The following GALK2 variants were observed in gnomAD, a reference collection of about 807,000 sequenced individuals.
GALK2 encodes galactokinase 2, also known as N-acetylgalactosamine kinase.
In GALK2, 36 loss-of-function variants were observed where a neutral mutation model predicts 52.4. That is an observed-to-expected ratio of 0.69 (90% CI 0.53 to 0.91). The LOEUF (loss-of-function observed/expected upper bound fraction) is 0.91, where lower values mean the gene tolerates loss of function less well. Among genes scored for constraint, GALK2 ranks in the 40% least tolerant of loss-of-function variants. The pLI, the probability that GALK2 is intolerant of heterozygous loss-of-function variation, is 0.00. For missense variants in GALK2, 579 were observed against 559.1 expected (o/e 1.04, Z -0.36); for synonymous variants, 176 against 199.1 (o/e 0.88, Z 0.98).
intron 8 of GALK2, among the ~76,000 whole-genome samples, chr15:49,295,907 T>G (rs571237584): frequency 1.1e-4 from 17 of 152,300 alleles, no homozygotes; most frequent in African/African-American, 4.1e-4. Flanking sequence ...CTGTCTTCCT[T>G]TCTTTTAGAT....
At chr15:49,157,886 T>G (rs2084513188) in intron 1 of GALK2, among the ~76,000 whole-genome samples, 1 of 152,172 alleles carries the variant, frequency 6.6e-6, no homozygotes, top group Admixed American at 6.5e-5. Context: ...CTATGTCCTC[T>G]TTGAGATTGA....
chr15:49,168,718 T>TAA (rs35361227), upstream of GALK2, among the ~76,000 whole-genome samples: 18 of 136,658 alleles, frequency 1.3e-4, no homozygotes, highest in African/African-American at 2.9e-4. Flanking sequence ...AAACTCCATC[T>TAA]AAAAAAAAAA....
At chr15:49,308,083 C>T (rs896071436) in intron 8 of GALK2, among the ~76,000 whole-genome samples, 1 of 152,150 alleles carries the variant, frequency 6.6e-6, no homozygotes, top group Non-Finnish European at 1.5e-5. Flanking sequence ...CACATTCCAG[C>T]TTCAATGAGG....
At chr15:49,212,709 C>T (rs747180791) in intron 2 of GALK2, among the ~76,000 whole-genome samples, 1 of 151,894 alleles carries the variant, frequency 6.6e-6, no homozygotes, top group Non-Finnish European at 1.5e-5. Flanking sequence ...CTTTTCACTC[C>T]CAATTGTTTC....
At chr15:49,299,467 G>A (rs1045163371) in intron 8 of GALK2, among the ~76,000 whole-genome samples, 3 of 151,996 alleles carry the variant, frequency 2.0e-5, no homozygotes, top group East Asian at 1.9e-4. Flanking sequence ...AGTTCCTTTA[G>A]GTGTGATGTT....
In GALK2 at chr15:49,282,815, C is replaced by T. The variant is rs553159825; in HGVS notation, c.603+730C>T. Among the ~76,000 whole-genome samples, 5 of 152,234 alleles carry T rather than the reference C, an allele frequency of 3.3e-5. 1 individual carries two copies. The East Asian group carries it at 7.7e-4, about 23-fold the overall frequency. The stretch of plus-strand genomic sequence containing the variant: ...TTAGTAAGAATATTTGTTATTGATT[C>T]CCCTAAGCCAAAGACATGAGGCATG... On this transcript the variant is annotated intron_variant, in intron 6 of 9. Coordinates refer to ENST00000560031, the MANE Select transcript of GALK2 (RefSeq NM_002044.4).
At chr15:49,262,588 A>G (rs1370602438) in intron 5 of GALK2, among the ~76,000 whole-genome samples, 1 of 151,830 alleles carries the variant, frequency 6.6e-6, no homozygotes, top group Admixed American at 6.6e-5. Context: ...CTCTGATTTT[A>G]GTTATTTCTT....
chr15:49,192,246 A>C (rs2086777459), intron 1 of GALK2, among the ~76,000 whole-genome samples: 2 of 152,016 alleles, frequency 1.3e-5, no homozygotes, highest in African/African-American at 2.4e-5. Flanking sequence ...CTAATATGAT[A>C]GTAATTATCC....
intron 5 of GALK2, among the ~76,000 whole-genome samples, chr15:49,267,687 C>G (rs1340291213): frequency 2.6e-5 from 4 of 152,166 alleles, no homozygotes; most frequent in East Asian, 1.9e-4. Flanking sequence ...TTTATTTCCT[C>G]CTTTTCATGT....
chr15:49,343,307 A>G (rs1430688344), intron 3 of GALK2, among the ~76,000 whole-genome samples: 1 of 152,042 alleles, frequency 6.6e-6, no homozygotes, highest in Admixed American at 6.6e-5. Flanking sequence ...TCTGCTTGGA[A>G]CAGTCTATTG....
rs1387020450 is a variant in GALK2 at position 49,328,001 on chromosome 15, T to A, written c.1219T>A (p.Cys407Ser). The stretch of plus-strand genomic sequence containing the variant: ...ACTTACTGGAGCAGGATGGGGAGGC[T>A]GCACAGTATCAATGGTACCTGCGGA... Reference protein sequence around the residue: ...SRLTGAGWGGCTVSMVPADKL... With the variant: ...SRLTGAGWGGSTVSMVPADKL... Residue 407 changes from cysteine (C) to serine (S), a missense_variant, in exon 10 of 10, where the codon TGC (cysteine) becomes AGC (serine). By Grantham distance (112) the Cys-to-Ser change is moderately radical. Transcript: ENST00000560031. The A allele has an allele frequency of 6.2e-7, 1 of 1,613,942 alleles. No homozygotes were observed. The highest frequency in any genetic ancestry group is 8.5e-7 in the Non-Finnish European group (1 of 1,179,834).
chr15:49,219,797 C>T (rs982196729), intron 3 of GALK2, among the ~76,000 whole-genome samples: 13 of 151,970 alleles, frequency 8.6e-5, no homozygotes, highest in South Asian at 2.1e-4. Flanking sequence ...GGTGACAGAG[C>T]GAGACTCTGT....
At chr15:49,210,643 G>A (rs142762770) in intron 2 of GALK2, among the ~76,000 whole-genome samples, 2,899 of 151,920 alleles carry the variant, frequency 0.019, 47 homozygotes, top group Middle Eastern at 0.031. Flanking sequence ...GTTTCACCAC[G>A]AAGGCCAGGC....
At chr15:49,250,405 A>T (rs901240808) in intron 5 of GALK2, among the ~76,000 whole-genome samples, 11 of 152,164 alleles carry the variant, frequency 7.2e-5, no homozygotes, top group Non-Finnish European at 1.3e-4. Flanking sequence ...ATGTCTTTTT[A>T]AAAAAATTAC....
chr15:49,207,441 G>C (rs964027769), intron 2 of GALK2, among the ~76,000 whole-genome samples: 37 of 152,112 alleles, frequency 2.4e-4, no homozygotes, highest in African/African-American at 8.7e-4. Flanking sequence ...ATTCTTCTTT[G>C]AATGTCTGAT....
intron 3 of GALK2, among the ~76,000 whole-genome samples, chr15:49,229,178 A>G (rs959742995): frequency 6.6e-6 from 1 of 152,140 alleles, no homozygotes; most frequent in Middle Eastern, 3.2e-3. Flanking sequence ...GCATGTTGGC[A>G]TTGATTCTTG....
At chr15:49,186,872 G>C (rs558202884) in intron 1 of GALK2, among the ~76,000 whole-genome samples, 1 of 152,248 alleles carries the variant, frequency 6.6e-6, no homozygotes, top group African/African-American at 2.4e-5. Context: ...CCTCAAAACA[G>C]TTATTTTGAA....
intron 3 of GALK2, among the ~76,000 whole-genome samples, chr15:49,227,299 G>T (rs1452863677): frequency 1.3e-5 from 2 of 152,052 alleles, no homozygotes; most frequent in African/African-American, 4.8e-5. Flanking sequence ...TTATATATCT[G>T]GGTGCTTTGT....
intron 1 of GALK2, among the ~76,000 whole-genome samples, chr15:49,187,521 C>T (rs899244827): frequency 5.9e-5 from 9 of 152,132 alleles, no homozygotes; most frequent in South Asian, 2.1e-4. Flanking sequence ...GTGATGAGCT[C>T]CCCCTAAGCC....
Sources: gnomAD v4.1 joint callset for allele counts (sites outside exome capture counted in the v4.1 genomes callset) on GRCh38, gnomAD v4.1.1 for gene constraint, MANE v1.5 for transcripts, NCBI Gene and HGNC (gene_info 2026-07-23, HGNC 2026-07-21) for gene names.